The following ZNF536 variants were observed in gnomAD, a reference collection of about 807,000 sequenced individuals.
ZNF536 encodes zinc finger protein 536.
In ZNF536, 13 loss-of-function variants were observed where a neutral mutation model predicts 84.5. That is an observed-to-expected ratio of 0.15 (90% CI 0.10 to 0.24). The LOEUF is 0.24. ZNF536 is among the 10% of genes least tolerant of loss of function. The pLI, the probability that ZNF536 is intolerant of heterozygous loss-of-function variation, is 1.00. For missense variants in ZNF536, 1,536 were observed against 1,747.5 expected (o/e 0.88, Z 2.16); for synonymous variants, 811 against 742.5 (o/e 1.09, Z -1.50).
intron 1 of ZNF536, among the ~76,000 whole-genome samples, chr19:30,680,220 G>A (rs180819945): frequency 1.3e-3 from 189 of 145,952 alleles, no homozygotes; most frequent in African/African-American, 3.8e-3. Flanking sequence ...TGCAACTGTC[G>A]TTTATGATTA....
At chr19:30,654,839 C>T (rs906839079) in intron 1 of ZNF536, among the ~76,000 whole-genome samples, 12 of 151,516 alleles carry the variant, frequency 7.9e-5, no homozygotes, top group African/African-American at 2.9e-4. Context: ...ACCCCCCACA[C>T]ACCCCCCCAT....
chr19:30,321,764 CT>C (rs1219860922), intron 2 of ZNF536, among the ~76,000 whole-genome samples: 3 of 129,862 alleles, frequency 2.3e-5, no homozygotes, highest in Non-Finnish European at 5.2e-5. Flanking sequence ...TTTCTTTTTT[CT>C]TTTTTTTCTT....
chr19:30,664,051 C>T (rs1390887985), intron 1 of ZNF536, among the ~76,000 whole-genome samples: 1 of 152,126 alleles, frequency 6.6e-6, no homozygotes, highest in East Asian at 1.9e-4. Flanking sequence ...CATTTTTTCA[C>T]AGCTGTGAAG....
At chr19:30,354,778 A>G (rs2048039747) in intron 3 of ZNF536, among the ~76,000 whole-genome samples, 1 of 152,186 alleles carries the variant, frequency 6.6e-6, no homozygotes, top group South Asian at 2.1e-4. Flanking sequence ...ACAGGCAGAG[A>G]ACATGTGAGC....
In ZNF536 at chr19:30,551,099, G is replaced by A. The variant is rs544728829; in HGVS notation, c.3895+1585G>A. Among the ~76,000 whole-genome samples the A allele has an allele frequency of 8.7e-5, 13 of 149,562 alleles. No homozygotes were observed. In the South Asian group the frequency reaches 1.9e-3, roughly 22 times the overall value. ...TCATTGTTGTTTTAGGTTTGTGATC[G>A]GGGTGGTTTCTTTTTTATTGTTGTT... On this transcript the variant is annotated intron_variant, in intron 4 of 4. Transcript: ENST00000355537.
intron 1 of ZNF536, among the ~76,000 whole-genome samples, chr19:30,634,539 C>T (rs530705752): frequency 6.6e-6 from 1 of 152,034 alleles, no homozygotes; most frequent in African/African-American, 2.4e-5. Context: ...TCCACCATAC[C>T]CCTGGTCGGA....
intron 1 of ZNF536, among the ~76,000 whole-genome samples, chr19:30,435,329 A>T (rs566399195): frequency 1.3e-5 from 2 of 148,922 alleles, no homozygotes; most frequent in South Asian, 4.3e-4. Flanking sequence ...GGTGGTGATG[A>T]TGATGGTGAT....
chr19:30,451,422 A>C (rs1050034753), intron 2 of ZNF536, among the ~76,000 whole-genome samples: 2 of 152,212 alleles, frequency 1.3e-5, no homozygotes, highest in Admixed American at 6.5e-5. Flanking sequence ...TGATTTGGGA[A>C]CAATCAGTAA....
chr19:30,330,037 G>A (rs182783329), intron 2 of ZNF536, among the ~76,000 whole-genome samples: 28 of 152,220 alleles, frequency 1.8e-4, no homozygotes, highest in Admixed American at 1.8e-3. Context: ...TTATTTTCAT[G>A]CCTGGTATAC....
At chr19:30,696,559 G>T (rs535154354) in intron 1 of ZNF536, among the ~76,000 whole-genome samples, 1 of 152,198 alleles carries the variant, frequency 6.6e-6, no homozygotes, top group African/African-American at 2.4e-5. Flanking sequence ...ACACTGGCAG[G>T]GCAGGCCGGC....
exon 2 of ZNF536, chr19:30,713,275 T>A (rs1351195376): frequency 6.6e-6 from 1 of 152,216 alleles, no homozygotes; most frequent in African/African-American, 2.4e-5. Flanking sequence ...CAGGTTCTCA[T>A]ATCTAAACAT....
chr19:30,339,630 G>A (rs1353790106), intron 2 of ZNF536, among the ~76,000 whole-genome samples: 1 of 152,186 alleles, frequency 6.6e-6, no homozygotes, highest in Admixed American at 6.5e-5. Flanking sequence ...TTCCCAGATG[G>A]ACACCTCCAC....
intron 1 of ZNF536, among the ~76,000 whole-genome samples, chr19:30,592,547 C>G (rs2047311878): frequency 6.6e-6 from 1 of 152,168 alleles, no homozygotes; most frequent in Non-Finnish European, 1.5e-5. Flanking sequence ...AGATAAGCAG[C>G]ACACCCGGGC....
chr19:30,587,718 T>A (rs2047142174), intron 1 of ZNF536, among the ~76,000 whole-genome samples: 3 of 152,174 alleles, frequency 2.0e-5, no homozygotes, highest in Admixed American at 1.3e-4. Context: ...AAAAGCTCCA[T>A]CCCTGGAAGA....
At chr19:30,480,764 A>G (rs1047222256) in intron 2 of ZNF536, among the ~76,000 whole-genome samples, 1 of 152,202 alleles carries the variant, frequency 6.6e-6, no homozygotes, top group African/African-American at 2.4e-5. Flanking sequence ...GCCTGGGCAC[A>G]GTGGCTCATG....
At chr19:30,653,008 G>C (rs1007825454) in intron 1 of ZNF536, among the ~76,000 whole-genome samples, 1 of 152,230 alleles carries the variant, frequency 6.6e-6, no homozygotes, top group East Asian at 1.9e-4. Flanking sequence ...TCCCAGGACC[G>C]AATGGCGGCT....
intron 1 of ZNF536, among the ~76,000 whole-genome samples, chr19:30,610,440 CT>C (rs960672468): frequency 2.6e-5 from 4 of 152,140 alleles, no homozygotes; most frequent in African/African-American, 9.7e-5. Flanking sequence ...GGGTCTCCCC[CT>C]CTGGGTGGGG....
At chr19:30,378,151 A>G (rs1028788489) in intron 1 of ZNF536, among the ~76,000 whole-genome samples, 10 of 152,048 alleles carry the variant, frequency 6.6e-5, no homozygotes, top group Admixed American at 2.0e-4. Context: ...TGCCCTAACC[A>G]AGTTTGGGTC....
Position 30,435,927 on chromosome 19 carries a change from AT to A in ZNF536, c.-2-7625del, listed in dbSNP as rs372155695. ...TGATGGAAGCTCTTTGCCTTTGAGA[AT>A]TTTTTTTTCACCAAACCCAAACCAA... On this transcript the variant is annotated intron_variant, in intron 1 of 4. Transcript: ENST00000355537. Among the ~76,000 whole-genome samples, 51 of 151,710 alleles carry A rather than the reference AT, an allele frequency of 3.4e-4. 1 individual carries two copies. The highest frequency in any genetic ancestry group is 1.1e-3 in the African/African-American group (44 of 41,360).
Sources: gnomAD v4.1 joint callset for allele counts (sites outside exome capture counted in the v4.1 genomes callset) on GRCh38, gnomAD v4.1.1 for gene constraint, MANE v1.5 for transcripts, NCBI Gene and HGNC (gene_info 2026-07-23, HGNC 2026-07-21) for gene names.